Variants in DBN1 observed in about 807,000 individuals in gnomAD.
DBN1 encodes the protein drebrin 1.
A neutral mutation model predicts 83.5 loss-of-function variants in DBN1; 21 were observed. The ratio of observed to expected loss-of-function variants is 0.25; its 90% CI spans 0.18 to 0.36. The LOEUF (loss-of-function observed/expected upper bound fraction) is 0.36, where lower values mean the gene tolerates loss of function less well. DBN1 is among the 10% of genes least tolerant of loss of function. The probability of loss-of-function intolerance (pLI) is 1.00; values close to 1 mark genes in which losing one functional copy is unlikely to be tolerated. For missense variants in DBN1, 874 were observed against 935.7 expected, an observed-to-expected ratio of 0.93 and a Z score of 0.86; for synonymous variants, 381 against 384.9, an observed-to-expected ratio of 0.99 and a Z score of 0.12.
rs755032190 is a variant in DBN1, at chr5:177,467,604, G to A, written c.354C>T (p.Ala118=). 6.4e-7 allele frequency: 1 copy of A among 1,571,836 alleles called. No homozygotes were observed. The highest frequency in any genetic ancestry group is 8.6e-7 in the Non-Finnish European group (1 of 1,158,504). ...FFQGVDVIVN[A]SSVEDIDAGA... is the part of the protein sequence containing the mutation. ...CCGCGTCTATGTCTTCCACGCTGCT[G>A]GCGTTCACGATCACGTCGACACCCT... The change falls in exon 5 of 15, where the codon GCC becomes GCT. Residue 118 remains alanine, a synonymous_variant. Coordinates refer to ENST00000393565, the MANE Select transcript of DBN1 (RefSeq NM_001363541.2). The surrounding 1 kb of genome is among the most constrained non-coding windows in gnomAD (Gnocchi z 9.1).
rs1581711091 is a variant in DBN1, at chr5:177,457,233, C to G, written c.*200G>C. The stretch of plus-strand genomic sequence containing the variant: ...AAAGCCAGTCAACTGTACAAGTCTC[C>G]TATCAACTTTTTAAAAAAAGAGAAA... On this transcript the variant is annotated 3_prime_UTR_variant, in exon 15 of 15. Transcript: ENST00000393565. 2 of 598,360 alleles carry G rather than the reference C, an allele frequency of 3.3e-6. No individual in the cohort carries two copies. The highest frequency in any genetic ancestry group is 5.6e-5 in the East Asian group (2 of 35,986). The allele number at this position is 598,360 out of a possible 1,614,324, so 37.1% of individuals were successfully genotyped here. A position where few individuals can be genotyped will look rare whatever the true frequency, so the allele number is the denominator to read the frequency against.
chr5:177,466,749 G>A lies in DBN1; in HGVS notation c.771+23C>T, dbSNP rs1008456084. On this transcript the variant is annotated intron_variant, in intron 8 of 14. Coordinates refer to ENST00000393565, the MANE Select transcript of DBN1 (RefSeq NM_001363541.2). This position sits in a 1 kb window ranked among gnomAD's most constrained non-coding sequence, Gnocchi z 4.8. ...TTCTCACTTCCCTGACCCAGAGACC[G>A]GGAGCCTTGGCAAAGAACTTACAAA... 13 of 1,613,530 alleles carry A rather than the reference G, an allele frequency of 8.1e-6. No homozygotes were observed. Among genetic ancestry groups the A allele is most frequent in the South Asian group, 2.2e-5 (2 of 91,064 alleles).
intron 2 of DBN1, 74 bp downstream of exon 2, chr5:177,468,770 C>G: frequency 9.3e-7 from 1 of 1,080,504 alleles, no homozygotes. Context: ...TGGCCTACAG[C>G]CAGGTGGGTG....
At chr5:177,470,459 G>A (rs1268679530) in intron 1 of DBN1, among the ~76,000 whole-genome samples, 1 of 151,970 alleles carries the variant, frequency 6.6e-6, no homozygotes, top group Non-Finnish European at 1.5e-5. Flanking sequence ...CCCCACCTCC[G>A]GCCACCTCTT....
rs778928086 is a variant in DBN1 at position 177,460,661 on chromosome 5, A to T, written c.814T>A (p.Ser272Thr). 4.3e-6 allele frequency: 7 copies of T among 1,614,016 alleles called. No homozygotes were observed. Among genetic ancestry groups the T allele is most frequent in the Non-Finnish European group, 5.9e-6 (7 of 1,179,974 alleles). Reference sequence around the variant, plus strand: ...GCTCTCACCTCCACCTCCGACTCTGACTTCTTCATGTGGGTCTCTTCCTCC... The same window carrying T: ...GCTCTCACCTCCACCTCCGACTCTGTCTTCTTCATGTGGGTCTCTTCCTCC... ...DEEEETHMKK[S>T]ESEVEEAAAI... The change falls in exon 9 of 15, where the codon TCA becomes ACA. Residue 272 changes from serine to threonine, a missense_variant. Ser to Thr is a moderately conservative substitution (Grantham distance 58). This residue lies in a region of DBN1 where 725 missense variants were observed against 719.7 expected (regional missense o/e 1.01). Transcript: ENST00000393565.
Position 177,458,692 on chromosome 5 carries a change from C to T in DBN1, c.1280G>A (p.Ser427Asn), listed in dbSNP as rs772965629. 5 of 1,525,184 alleles carry T rather than the reference C, an allele frequency of 3.3e-6. No individual in the cohort carries two copies. Among genetic ancestry groups the T allele is most frequent in the Non-Finnish European group, 4.4e-6 (5 of 1,142,858 alleles). The allele number at this position is 1,525,184 out of a possible 1,614,324, so 94.5% of individuals were successfully genotyped here. The part of the protein sequence containing the change: ...PPPAQETQEP[S>N]PILDSEETRA... ...GGTCTCCTCACTGTCTAGGATGGGG[C>T]TGGGCTCCTGGGTCTCTGTCACAGC... Residue 427 changes from serine (S) to asparagine (N), a missense_variant, in exon 13 of 15, where the codon AGC (serine) becomes AAC (asparagine). Physicochemically the swap from Ser to Asn is conservative, Grantham distance 46 (BLOSUM62 1). Transcript: ENST00000393565.
chr5:177,464,369 C>A (rs1245608242), intron 8 of DBN1, among the ~76,000 whole-genome samples: 3 of 151,404 alleles, frequency 2.0e-5, no homozygotes, highest in African/African-American at 7.3e-5. Context: ...TCGCTTGAAC[C>A]CAGGAGGCAG....
rs532984811 is a variant in DBN1 at position 177,465,045 on chromosome 5, T to C, written c.771+1727A>G. Among the ~76,000 whole-genome samples the C allele has an allele frequency of 1.8e-3, 277 of 152,218 alleles. 1 individual carries two copies. Among genetic ancestry groups the C allele is most frequent in the African/African-American group, 6.3e-3 (260 of 41,526 alleles). ...GGCGGGCACCTGTAGTCCCAGCTAC[T>C]TGGAGGCTGAGGCAGGAGAATGGTG... On this transcript the variant is annotated intron_variant, in intron 8 of 14. Coordinates refer to ENST00000393565, the MANE Select transcript of DBN1 (RefSeq NM_001363541.2).
chr5:177,472,519 C>A, intron 1 of DBN1: 1 of 804,858 alleles, frequency 1.2e-6, no homozygotes, highest in Non-Finnish European at 1.7e-6. Flanking sequence ...CATCCCCTCC[C>A]CCAGCTCAGC....
rs1412747208 is a variant in DBN1 at position 177,466,575 on chromosome 5, C to T, written c.771+197G>A. On this transcript the variant is annotated intron_variant, in intron 8 of 14. Transcript: ENST00000393565. This position sits in a 1 kb window ranked among gnomAD's most constrained non-coding sequence, Gnocchi z 4.8. ...AGAGCACAAGCTTCTCCAAAGTAGTCTTTTTCCACGGCCAGAGGCCAGAGC... is the reference window on the plus strand; with the variant it reads ...AGAGCACAAGCTTCTCCAAAGTAGTTTTTTTCCACGGCCAGAGGCCAGAGC... 6.6e-6 allele frequency among the ~76,000 whole-genome samples: 1 copy of T among 152,222 alleles called. No individual in the cohort carries two copies. Among genetic ancestry groups the T allele is most frequent in the Non-Finnish European group, 1.5e-5 (1 of 68,042 alleles).
At chr5:177,462,860 T>C (rs928345048) in intron 8 of DBN1, among the ~76,000 whole-genome samples, 3 of 152,090 alleles carry the variant, frequency 2.0e-5, no homozygotes, top group African/African-American at 7.2e-5. Flanking sequence ...CTGCCCTTGC[T>C]CTCCTTTCCC....
chr5:177,472,145 G>C (rs369476395), intron 1 of DBN1: 19 of 1,612,324 alleles, frequency 1.2e-5, no homozygotes, highest in African/African-American at 5.4e-5. Flanking sequence ...CTTGTCTCTC[G>C]CGTCCATCCC....
chr5:177,468,756 G>A, intron 2 of DBN1, 88 bp downstream of exon 2: 1 of 834,776 alleles, frequency 1.2e-6, no homozygotes. Context: ...TGCAGGCAGG[G>A]AGGTGGCCTA....
intron 1 of DBN1, chr5:177,472,672 G>A (rs561177825): frequency 5.7e-5 from 32 of 565,394 alleles, no homozygotes; most frequent in African/African-American, 2.1e-4. Context: ...TTCTCCAGAG[G>A]GCTTCCTCCC....
chr5:177,459,220 G>T lies in DBN1; in HGVS notation c.1142C>A (p.Thr381Lys). Residue 381 changes from threonine (T) to lysine (K), a missense_variant, in exon 12 of 15, where the codon ACG (threonine) becomes AAG (lysine). This residue lies in a region of DBN1 where 725 missense variants were observed against 719.7 expected (regional missense o/e 1.01). Transcript: ENST00000393565. ...HRRMAPTPIP[T>K]RSPSDSSTAS... ...GGTGCTGGAGTCAGACGGGCTCCGC[G>T]TGGGGATGGGAGTGGGCGCCATCCT... The T allele has an allele frequency of 1.9e-6, 3 of 1,611,286 alleles. No homozygotes were observed. The highest frequency in any genetic ancestry group is 2.5e-6 in the Non-Finnish European group (3 of 1,179,180).
Position 177,467,431 on chromosome 5 carries a change from G to A in DBN1, c.477+50C>T, listed in dbSNP as rs768815006. On this transcript the variant is annotated intron_variant, in intron 5 of 14. Transcript: ENST00000393565. This position sits in a 1 kb window ranked among gnomAD's most constrained non-coding sequence, Gnocchi z 9.1. ...AAGAGGGACCGGGCAGGCCAGACTC[G>A]GGCACCAGGCCACGCAGGCAGAGCC... 2.0e-5 allele frequency: 33 copies of A among 1,610,946 alleles called. No individual in the cohort carries two copies. Among genetic ancestry groups the A allele is most frequent in the African/African-American group, 1.3e-4 (10 of 74,866 alleles).
chr5:177,458,822 G>T, intron 12 of DBN1, 115 bp from the exon 13 acceptor site: 1 of 1,160,846 alleles, frequency 8.6e-7, no homozygotes, highest in Non-Finnish European at 1.2e-6. Context: ...GTGTCCCACT[G>T]CCCCCTTACC....
intron 1 of DBN1, chr5:177,472,995 G>T: frequency 4.1e-6 from 1 of 245,370 alleles, no homozygotes; most frequent in Non-Finnish European, 6.5e-6. Flanking sequence ...GAGCCGGGCA[G>T]GCTGCGCTGG....
intron 2 of DBN1, chr5:177,468,453 A>C (rs952274091): frequency 5.2e-6 from 3 of 575,052 alleles, no homozygotes; most frequent in African/African-American, 1.9e-5. Context: ...AGGACTGAGG[A>C]AGTGTTTGTT....
Sources: allele counts gnomAD v4.1 joint callset (sites outside exome capture counted in the v4.1 genomes callset), GRCh38; gene constraint gnomAD v4.1.1; regional missense constraint gnomAD v4.1.1; non-coding constraint Gnocchi (gnomAD v3.1); transcripts MANE v1.5; gene names NCBI Gene and HGNC (gene_info 2026-07-23, HGNC 2026-07-21).